The following PNPLA4 variants were observed in gnomAD, a reference collection of about 807,000 sequenced individuals.
The protein encoded by PNPLA4 is patatin like domain 4, phospholipase and triacylglycerol lipase, also known as patatin-like phospholipase domain-containing protein 4.
PNPLA4 carries 15 observed loss-of-function variants against 18.3 expected under a neutral mutation model. The observed-to-expected ratio is 0.82, with a 90% CI of 0.55 to 1.26. The LOEUF (loss-of-function observed/expected upper bound fraction) is 1.26. Ranked by LOEUF, PNPLA4 falls within the 50% of genes most tolerant of loss-of-function variation. PNPLA4 has a pLI of 0.00. For synonymous variants in PNPLA4, 88 were observed against 85.6 expected (o/e 1.03, Z -0.16); for missense variants, 229 against 196.8 (o/e 1.16, Z -0.98).
At chrX:7,910,781 A>G (rs1309962834) in intron 5 of PNPLA4, among the ~76,000 whole-genome samples, 1 of 110,137 alleles carries the variant, frequency 9.1e-6, no homozygotes, top group Non-Finnish European at 1.9e-5. Flanking sequence ...TTTGATTATA[A>G]AATACATATC....
chrX:7,903,274 G>GTTTATTTA (rs55848008), intron 5 of PNPLA4, among the ~76,000 whole-genome samples: 2,619 of 92,992 alleles, frequency 0.028, 42 homozygotes, highest in Non-Finnish European at 0.042. Context: ...TCCTTCTTGT[G>GTTTATTTA]TTTATTTATT....
intron 1 of PNPLA4, among the ~76,000 whole-genome samples, chrX:7,927,028 C>A (rs1197350809): frequency 1.8e-5 from 2 of 113,061 alleles, no homozygotes; most frequent in African/African-American, 6.4e-5. Context: ...CCTGTGAGGG[C>A]AGGTGGCTCG....
chrX:7,910,550 CTAAA>C (rs1301960799), intron 5 of PNPLA4, among the ~76,000 whole-genome samples: 1 of 109,494 alleles, frequency 9.1e-6, no homozygotes, highest in Non-Finnish European at 1.9e-5. Flanking sequence ...CTGATATATG[CTAAA>C]TAGATACTTT....
At chrX:7,923,074 T>A (rs375198756) in intron 2 of PNPLA4, among the ~76,000 whole-genome samples, 2 of 112,571 alleles carry the variant, frequency 1.8e-5, no homozygotes, top group African/African-American at 3.2e-5. Context: ...CATTGCAGAA[T>A]TTCAGTTAAG....
chrX:7,919,352 G>T (rs1469368865), intron 4 of PNPLA4, among the ~76,000 whole-genome samples: 1 of 112,574 alleles, frequency 8.9e-6, no homozygotes, highest in Non-Finnish European at 1.9e-5. Flanking sequence ...CTTTCTGGAG[G>T]CTCTGGGGGA....
At chrX:7,910,034 C>T (rs73459291) in intron 5 of PNPLA4, among the ~76,000 whole-genome samples, 1,547 of 111,785 alleles carry the variant, frequency 0.014, 25 homozygotes, top group African/African-American at 0.046. Flanking sequence ...GAGAGACTGG[C>T]GTAATAGGGA....
rs1041166559 is a variant in PNPLA4 at position 7,922,211 on chromosome X, T to C, written c.181-113A>G. 3.9e-5 allele frequency: 22 copies of C among 557,017 alleles called. No individual in the cohort carries two copies. The East Asian group carries it at 7.3e-4, about 18-fold the overall frequency. The allele number at this position is 557,017 out of a possible 1,213,427, so 45.9% of individuals were successfully genotyped here. ...CAGCAAATGTAGGGTGTCATGTTAT[T>C]AAAGGTGTGCAAATTCCCCACCTGG... On this transcript the variant is annotated intron_variant, in intron 2 of 6. Coordinates refer to ENST00000381042, the MANE Select transcript of PNPLA4 (RefSeq NM_004650.3).
intron 6 of PNPLA4, 30 bp downstream of exon 6, chrX:7,901,959 C>G (rs778032096): frequency 7.6e-6 from 9 of 1,191,141 alleles, no homozygotes; most frequent in African/African-American, 1.7e-5. Flanking sequence ...GATCAGAACT[C>G]TTCAAATATC....
rs1400128253 is a variant in PNPLA4, at chrX:7,927,409, A to T, written c.-137T>A. The T allele has an allele frequency of 8.8e-6, 1 of 113,312 alleles. No individual in the cohort carries two copies. Among genetic ancestry groups the T allele is most frequent in the African/African-American group, 3.2e-5 (1 of 31,266 alleles). The allele number at this position is 113,312 out of a possible 1,213,427, so 9.3% of individuals were successfully genotyped here. A position where few individuals can be genotyped will look rare whatever the true frequency, so the allele number is the denominator to read the frequency against. ...TACGCTCTCCGCGAGCCGGCCCAGG[A>T]AAGTCCTGCGGCAGGGGTTGGTACC... On this transcript the variant is annotated 5_prime_UTR_variant, in exon 1 of 7. Coordinates refer to ENST00000381042, the MANE Select transcript of PNPLA4 (RefSeq NM_004650.3).
chrX:7,923,633 G>A (rs1924303697), intron 2 of PNPLA4, among the ~76,000 whole-genome samples: 1 of 111,800 alleles, frequency 8.9e-6, no homozygotes, highest in South Asian at 3.8e-4. Flanking sequence ...TGACACCCAG[G>A]CTGGGACTTA....
chrX:7,925,794 A>ATCTTAAGGGTGTGCTTT, intron 2 of PNPLA4, 146 bp downstream of exon 2: 1 of 459,683 alleles, frequency 2.2e-6, no homozygotes, highest in East Asian at 3.7e-5. Context: ...TAATAATTAC[A>ATCTTAAGGGTGTGCTTT]TCTTAAGAGA....
intron 2 of PNPLA4, 57 bp downstream of exon 2, chrX:7,925,883 T>C (rs1924377260): frequency 1.9e-6 from 2 of 1,026,060 alleles, no homozygotes. Context: ...TGCTGGTGTT[T>C]GCCTTTGGGT....
chrX:7,904,404 T>C (rs188105346), intron 5 of PNPLA4, among the ~76,000 whole-genome samples: 1 of 112,036 alleles, frequency 8.9e-6, no homozygotes, highest in Non-Finnish European at 1.9e-5. Flanking sequence ...CAAGGGAAAA[T>C]GTATAGCAGC....
rs759450646 is a variant in PNPLA4 at position 7,912,088 on chromosome X, G to A, written c.417C>T (p.Leu139=). The change falls in exon 5 of 7, where the codon CTC becomes CTT. Residue 139 remains leucine, a synonymous_variant. Transcript: ENST00000381042. Reference sequence around the variant, plus strand: ...AAATGGGCACAAAACTGCTGGCTAGGAGGACCTAGATGGATAAAATAAAGA... The same window carrying A: ...AAATGGGCACAAAACTGCTGGCTAGAAGGACCTAGATGGATAAAATAAAGA... ...FSSREDLIKV[L]LASSFVPIYA... 1.7e-6 allele frequency: 2 copies of A among 1,194,528 alleles called. No homozygotes were observed. Among genetic ancestry groups the A allele is most frequent in the South Asian group, 3.5e-5 (2 of 56,552 alleles).
chrX:7,908,338 C>A (rs967136774), intron 5 of PNPLA4, among the ~76,000 whole-genome samples: 2 of 111,760 alleles, frequency 1.8e-5, no homozygotes, highest in South Asian at 3.8e-4. Flanking sequence ...CTAAAGACAA[C>A]AAATACATCA....
At position 7,922,029 on chromosome X, in the gene PNPLA4, C is replaced by T. The variant is rs370760579; in HGVS notation, c.250G>A (p.Gly84Ser). Residue 84 changes from glycine (G) to serine (S), a missense_variant, in exon 3 of 7, where the codon GGT (glycine) becomes AGT (serine). Physicochemically the swap from Gly to Ser is moderately conservative, Grantham distance 56 (BLOSUM62 0). Coordinates refer to ENST00000381042, the MANE Select transcript of PNPLA4 (RefSeq NM_004650.3). ...CTTAGTCGGGCCATGAAGTCATAAC[C>T]GGGCGTTACTGCCCCGAAAGACTGC... ...RRQSFGAVTP[G>S]YDFMARLRSG... 1.0e-4 allele frequency: 126 copies of T among 1,205,812 alleles called. No individual in the cohort carries two copies. Among genetic ancestry groups the T allele is most frequent in the Non-Finnish European group, 1.3e-4 (112 of 891,845 alleles).
intron 5 of PNPLA4, among the ~76,000 whole-genome samples, chrX:7,909,135 T>C (rs1395746340): frequency 8.9e-6 from 1 of 111,905 alleles, no homozygotes; most frequent in Non-Finnish European, 1.9e-5. Context: ...CTTGGGGAAG[T>C]TGACCCCTTC....
chrX:7,911,663 G>A (rs776621025), intron 5 of PNPLA4, among the ~76,000 whole-genome samples: 1 of 111,111 alleles, frequency 9.0e-6, no homozygotes, highest in East Asian at 2.9e-4. Context: ...ATTGTCTGGG[G>A]GAGGACAAGG....
At chrX:7,907,451 A>C (rs773296183) in intron 5 of PNPLA4, among the ~76,000 whole-genome samples, 1 of 112,533 alleles carries the variant, frequency 8.9e-6, no homozygotes, top group South Asian at 3.7e-4. Flanking sequence ...GAAAATTTTC[A>C]TTCTTATTCC....
Sources: gnomAD v4.1 joint callset for allele counts (sites outside exome capture counted in the v4.1 genomes callset) on GRCh38, gnomAD v4.1.1 for gene constraint, MANE v1.5 for transcripts, NCBI Gene and HGNC (gene_info 2026-07-23, HGNC 2026-07-21) for gene names.